The following GLRA1 variants were observed in gnomAD, a reference collection of about 807,000 sequenced individuals.
GLRA1 encodes the protein glycine receptor alpha 1.
In GLRA1, 37 loss-of-function variants were observed where a neutral mutation model predicts 48.3. That is an observed-to-expected ratio of 0.77 (90% confidence interval 0.59 to 1.01). GLRA1 has a LOEUF of 1.01. GLRA1 is among the 50% of genes least tolerant of loss of function. The probability of loss-of-function intolerance (pLI) is 0.00; values close to 1 mark genes in which losing one functional copy is unlikely to be tolerated. For missense variants in GLRA1, 427 were observed against 571.0 expected, an observed-to-expected ratio of 0.75 and a Z score of 2.57; for synonymous variants, 196 against 210.7, an observed-to-expected ratio of 0.93 and a Z score of 0.60.
At chr5:151,898,065 TG>T (rs1349099422) in intron 1 of GLRA1, among the ~76,000 whole-genome samples, 1 of 152,038 alleles carries the variant, frequency 6.6e-6, no homozygotes, top group African/African-American at 2.4e-5. Context: ...GGAGGCAGGG[TG>T]ATATAATGAA....
In GLRA1 at chr5:151,859,924, G is replaced by C; in HGVS notation, c.337C>G (p.Leu113Val). 3 of 1,614,088 alleles carry C rather than the reference G, an allele frequency of 1.9e-6. No homozygotes were observed. The highest frequency in any genetic ancestry group is 2.5e-6 in the Non-Finnish European group (3 of 1,179,926). Residue 113 changes from leucine to valine, a missense_variant, in exon 4 of 9, where the codon CTG becomes GTG. By Grantham distance (32) the Leu-to-Val change is conservative. Coordinates refer to ENST00000274576, the MANE Select transcript of GLRA1 (RefSeq NM_000171.4). ...ATGGAGTCCAGCATGGATGGGTCCA[G>C]GTCCAGAGAGTCGTCAGGGTATTCA... Reference protein sequence around the residue: ...YNEYPDDSLDLDPSMLDSIWK... With the variant: ...YNEYPDDSLDVDPSMLDSIWK...
At chr5:151,913,359 A>G (rs1754662813) in intron 1 of GLRA1, among the ~76,000 whole-genome samples, 1 of 152,142 alleles carries the variant, frequency 6.6e-6, no homozygotes, top group Non-Finnish European at 1.5e-5. Flanking sequence ...AGTTTTCCAG[A>G]TTTATGGAGA....
chr5:151,912,390 G>C (rs188438202), intron 1 of GLRA1, among the ~76,000 whole-genome samples: 3 of 151,876 alleles, frequency 2.0e-5, no homozygotes, highest in Admixed American at 6.6e-5. Context: ...TTATGGAAGG[G>C]GCTTCTCTGC....
rs759277684 is a variant in GLRA1 at position 151,822,874 on chromosome 5, C to T, written c.1149G>A (p.Lys383=). ...TGGTGGTGTTACTGTTGTTGGCGCC[C>T]TTGACTGAGATGCCATCCTTGGCCT... ...CLQAKDGISV[K]GANNSNTTNP... The change falls in exon 9 of 9, where the codon AAG becomes AAA. Residue 383 remains lysine, a synonymous_variant. Transcript: ENST00000274576. 1.9e-6 allele frequency: 3 copies of T among 1,614,022 alleles called. No homozygotes were observed. The Admixed American group carries it at 5.0e-5, about 27-fold the overall frequency.
At chr5:151,835,029 A>T (rs1180804765) in intron 7 of GLRA1, among the ~76,000 whole-genome samples, 14 of 53,680 alleles carry the variant, frequency 2.6e-4, no homozygotes, top group African/African-American at 8.8e-4. Flanking sequence ...CAACATCTCA[A>T]AAAAAAAAAA....
chr5:151,880,316 G>A (rs1408868066), intron 3 of GLRA1, among the ~76,000 whole-genome samples: 1 of 152,182 alleles, frequency 6.6e-6, no homozygotes, highest in African/African-American at 2.4e-5. Flanking sequence ...CCAGGTACCT[G>A]GGGGAAGTGT....
chr5:151,912,232 G>A (rs912052750), intron 1 of GLRA1, among the ~76,000 whole-genome samples: 3 of 146,592 alleles, frequency 2.0e-5, no homozygotes, highest in African/African-American at 7.6e-5. Context: ...TGGGCATGAT[G>A]CAGTCTCTTA....
At chr5:151,865,134 T>TTTA (rs1753299204) in intron 3 of GLRA1, among the ~76,000 whole-genome samples, 1 of 152,216 alleles carries the variant, frequency 6.6e-6, no homozygotes, top group Admixed American at 6.5e-5. Flanking sequence ...CTGAGCTCTC[T>TTTA]TAAGTGCCAG....
chr5:151,860,596 G>A (rs1374339137), intron 3 of GLRA1, among the ~76,000 whole-genome samples: 2 of 152,220 alleles, frequency 1.3e-5, no homozygotes, highest in Non-Finnish European at 2.9e-5. Flanking sequence ...GAATTCTGTA[G>A]TGTTCCTGCT....
intron 3 of GLRA1, among the ~76,000 whole-genome samples, chr5:151,867,670 T>C (rs1203265720): frequency 6.6e-6 from 1 of 152,232 alleles, no homozygotes; most frequent in Non-Finnish European, 1.5e-5. Context: ...ATTTTATAGA[T>C]GAAGAAAGTG....
At chr5:151,869,734 A>G (rs1180103821) in intron 3 of GLRA1, among the ~76,000 whole-genome samples, 1 of 149,638 alleles carries the variant, frequency 6.7e-6, no homozygotes, top group Non-Finnish European at 1.5e-5. Context: ...AAACAAAAAC[A>G]AAAACAAAAC....
chr5:151,847,317 G>C (rs1752700490), intron 7 of GLRA1, among the ~76,000 whole-genome samples: 1 of 152,214 alleles, frequency 6.6e-6, no homozygotes, highest in Non-Finnish European at 1.5e-5. Flanking sequence ...CATTAAAAGA[G>C]AGTGAAGTAG....
rs112360543 is a variant in GLRA1, at chr5:151,854,730, C to T, written c.697+310G>A. Among the ~76,000 whole-genome samples the T allele has an allele frequency of 9.4e-3, 1,432 of 152,290 alleles. 20 individuals carry two copies. The highest frequency in any genetic ancestry group is 0.032 in the African/African-American group (1,340 of 41,544). On this transcript the variant is annotated intron_variant, in intron 6 of 8. Transcript: ENST00000274576. ...ATTGGAAATGCCAGTTCATCTGTGA[C>T]AGAGACTACTAGGTGTCTTCCCAAT... is the stretch of plus-strand genomic sequence containing the variant.
At chr5:151,905,712 C>A (rs1034960908) in intron 1 of GLRA1, among the ~76,000 whole-genome samples, 1 of 152,078 alleles carries the variant, frequency 6.6e-6, no homozygotes, top group Non-Finnish European at 1.5e-5. Flanking sequence ...AGGCAGTGTG[C>A]TAGGGGCAAG....
At chr5:151,880,601 C>A in intron 3 of GLRA1, among the ~76,000 whole-genome samples, 1 of 152,188 alleles carries the variant, frequency 6.6e-6, no homozygotes, top group East Asian at 1.9e-4. Flanking sequence ...CACTCTCTCT[C>A]TCTCTCTCTC....
In GLRA1 at chr5:151,850,049, G is replaced by A. The variant is rs1752859828; in HGVS notation, c.912+1341C>T. The A allele has an allele frequency of 2.2e-5, 35 of 1,603,740 alleles. No individual in the cohort carries two copies. In the East Asian group the frequency reaches 7.8e-4, roughly 36 times the overall value. On this transcript the variant is annotated intron_variant, in intron 7 of 8. Coordinates refer to ENST00000274576, the MANE Select transcript of GLRA1 (RefSeq NM_000171.4). ...TGTAAGTGGATAATGGACATGGTGA[G>A]CAACCAGCACCCTGGTTTGGCATGG...
chr5:151,842,433 T>C (rs1763735201), intron 7 of GLRA1, among the ~76,000 whole-genome samples: 1 of 151,344 alleles, frequency 6.6e-6, no homozygotes, highest in Non-Finnish European at 1.5e-5. Context: ...GTGGGATGTA[T>C]CCCAGGAATG....
chr5:151,905,043 G>A (rs890474310), intron 1 of GLRA1, among the ~76,000 whole-genome samples: 10 of 152,234 alleles, frequency 6.6e-5, no homozygotes, highest in African/African-American at 1.9e-4. Flanking sequence ...GGATTAAGAT[G>A]ATCTGATGGT....
At chr5:151,867,190 G>A (rs932020015) in intron 3 of GLRA1, among the ~76,000 whole-genome samples, 9 of 152,084 alleles carry the variant, frequency 5.9e-5, no homozygotes, top group African/African-American at 1.9e-4. Flanking sequence ...AGCCAAGTTG[G>A]GCAAATCTGG....
Sources: gnomAD v4.1 joint callset for allele counts (sites outside exome capture counted in the v4.1 genomes callset) on GRCh38, gnomAD v4.1.1 for gene constraint, MANE v1.5 for transcripts, NCBI Gene and HGNC (gene_info 2026-07-23, HGNC 2026-07-21) for gene names.